Variants in RBM5 observed in about 807,000 individuals in gnomAD.
RBM5 encodes the protein RNA-binding protein 5.
RBM5 carries 15 observed loss-of-function variants against 124.6 expected under a neutral mutation model. The ratio of observed to expected loss-of-function variants is 0.12; its 90% confidence interval spans 0.08 to 0.19. The LOEUF is 0.19. Among genes scored for constraint, RBM5 ranks in the 10% least tolerant of loss-of-function variants. The pLI, the probability that RBM5 is intolerant of heterozygous loss-of-function variation, is 1.00. For missense variants in RBM5, 580 were observed against 1,026.5 expected, an observed-to-expected ratio of 0.57 and a Z score of 5.94; for synonymous variants, 337 against 361.2, an observed-to-expected ratio of 0.93 and a Z score of 0.76.
chr3:50,099,907 T>C, intron 4 of RBM5, 75 bp from the exon 5 acceptor site: 1 of 1,323,974 alleles, frequency 7.6e-7, no homozygotes. Context: ...ATTAAACAGT[T>C]GATGTAATTC....
At chr3:50,115,694 A>T in intron 21 of RBM5, 87 bp downstream of exon 21, 1 of 1,451,778 alleles carries the variant, frequency 6.9e-7, no homozygotes, top group Admixed American at 2.2e-5. Flanking sequence ...GGTTCCAAAA[A>T]TACCTGCCAT....
At position 50,114,862 on chromosome 3, in the gene RBM5, T is replaced by A. The variant is rs1268979689; in HGVS notation, c.1840-566T>A. 1.6e-4 allele frequency: 21 copies of A among 132,124 alleles called. No homozygotes were observed. The South Asian group carries it at 4.1e-3, about 26-fold the overall frequency. The allele number at this position is 132,124 out of a possible 1,614,324, so 8.2% of individuals were successfully genotyped here. The stretch of plus-strand genomic sequence containing the variant: ...GCAGTGAGCAAGACCCTGTCTCATT[T>A]AAAAAAAAAAAAAACAAAAACAGTC... On this transcript the variant is annotated intron_variant, in intron 20 of 24. Transcript: ENST00000347869.
At chr3:50,103,215 T>G (rs779007493) in intron 7 of RBM5, 49 bp downstream of exon 7, 2 of 1,359,848 alleles carry the variant, frequency 1.5e-6, no homozygotes, top group Non-Finnish European at 2.1e-6. Context: ...AGGATATTGC[T>G]GTTTTTTTCT....
chr3:50,094,095 C>G (rs1289778810), intron 4 of RBM5: 5 of 423,048 alleles, frequency 1.2e-5, no homozygotes, highest in South Asian at 8.7e-5. Context: ...ACATGAAATT[C>G]ATTTGTATTT....
chr3:50,116,816 G>T (rs557236628), intron 22 of RBM5: 412 of 458,876 alleles, frequency 9.0e-4, no homozygotes, highest in Non-Finnish European at 1.5e-3. Context: ...CTTGACAGAG[G>T]GTGGCTAATT....
chr3:50,116,128 G>T, intron 22 of RBM5, 148 bp downstream of exon 22: 1 of 721,852 alleles, frequency 1.4e-6, no homozygotes, highest in East Asian at 2.8e-5. Context: ...ATGTAGCCTA[G>T]ACCCAGCCTC....
chr3:50,113,396 C>T lies in RBM5; in HGVS notation c.1469C>T (p.Ser490Phe), dbSNP rs747562902. ...GTTGTTTTCTAGTACTACTATAATT[C>T]CTTGACCCAGCAGTACCTTTACTGG... ...YDPNSQYYYN[S>F]LTQQYLYWDG... is the part of the protein sequence containing the mutation. Residue 490 changes from serine (S) to phenylalanine (F), a missense_variant, in exon 18 of 25, where the codon TCC becomes TTC. Coordinates refer to ENST00000347869, the MANE Select transcript of RBM5 (RefSeq NM_005778.4). 4 of 1,612,460 alleles carry T rather than the reference C, an allele frequency of 2.5e-6. No homozygotes were observed. The highest frequency in any genetic ancestry group is 3.4e-6 in the Non-Finnish European group (4 of 1,179,464).
intron 10 of RBM5, among the ~76,000 whole-genome samples, 159 bp downstream of exon 10, chr3:50,105,868 AG>A (rs1269265745): frequency 6.6e-6 from 1 of 152,216 alleles, no homozygotes; most frequent in Non-Finnish European, 1.5e-5. Context: ...TGATGACTTC[AG>A]TAAGTAGTAA....
chr3:50,118,135 T>A (rs1222873117), intron 24 of RBM5, 196 bp from the exon 25 acceptor site: 1 of 703,556 alleles, frequency 1.4e-6, no homozygotes, highest in Non-Finnish European at 2.3e-6. Context: ...TTCATCTGCC[T>A]GTGTTCCGTA....
intron 17 of RBM5, among the ~76,000 whole-genome samples, chr3:50,111,321 C>T (rs1016048490): frequency 6.6e-5 from 10 of 152,202 alleles, no homozygotes; most frequent in Non-Finnish European, 1.5e-4. Flanking sequence ...ATTTTCATCA[C>T]TCGAAGAAGA....
chr3:50,100,094 A>G lies in RBM5; in HGVS notation c.409+43A>G. The G allele has an allele frequency of 1.3e-6, 2 of 1,554,040 alleles. No homozygotes were observed. Among genetic ancestry groups the G allele is most frequent in the African/African-American group, 1.4e-5 (1 of 73,862 alleles). ...TCCTGATATTATTGTTCTCTTCCCCATTCCCACCTCAGTCCCTAAAGAACA... is the reference window on the plus strand; with the variant it reads ...TCCTGATATTATTGTTCTCTTCCCCGTTCCCACCTCAGTCCCTAAAGAACA... On this transcript the variant is annotated intron_variant, in intron 5 of 24. Coordinates refer to ENST00000347869, the MANE Select transcript of RBM5 (RefSeq NM_005778.4). This position sits in a 1 kb window ranked among gnomAD's most constrained non-coding sequence, Gnocchi z 5.1.
rs927351391 is a variant in RBM5 at position 50,090,512 on chromosome 3, T to G, written c.17+61T>G. 45 of 1,575,302 alleles carry G rather than the reference T, an allele frequency of 2.9e-5. No homozygotes were observed. The East Asian group carries it at 9.4e-4, about 33-fold the overall frequency. On this transcript the variant is annotated intron_variant, in intron 2 of 24. Transcript: ENST00000347869. ...TTTCAGTGGGGACTGAACTCCTTGT[T>G]TAAAATAGTTTATCAAACTAATATA...
At chr3:50,109,118 G>A (rs2091095150) in intron 14 of RBM5, among the ~76,000 whole-genome samples, 2 of 152,110 alleles carry the variant, frequency 1.3e-5, no homozygotes, top group Admixed American at 6.6e-5. Context: ...CTGTTGCCCA[G>A]GCTGGAGTGC....
chr3:50,108,058 G>A lies in RBM5; in HGVS notation c.1042-12G>A, dbSNP rs1236500397. Reference sequence around the variant, plus strand: ...ACTAAGTTTGTCTTTGTCTCATTTTGATGTTTTGTAGTCTCAAAGTGGTGA... The same window carrying A: ...ACTAAGTTTGTCTTTGTCTCATTTTAATGTTTTGTAGTCTCAAAGTGGTGA... On this transcript the variant is annotated splice_polypyrimidine_tract_variant and intron_variant, in intron 12 of 24. Transcript: ENST00000347869. 1.9e-6 allele frequency: 3 copies of A among 1,591,870 alleles called. No homozygotes were observed. Among genetic ancestry groups the A allele is most frequent in the Non-Finnish European group, 2.6e-6 (3 of 1,159,968 alleles).
Position 50,117,537 on chromosome 3 carries a change from T to C in RBM5, c.2322+158T>C, listed in dbSNP as rs1380015218. ...AGCTCACACCTGTAATCCCAGCACT[T>C]TGGGAGGCCGAGGAGGGTGGATTGC... On this transcript the variant is annotated intron_variant, in intron 24 of 24. Coordinates refer to ENST00000347869, the MANE Select transcript of RBM5 (RefSeq NM_005778.4). The surrounding 1 kb of genome is among the most constrained non-coding windows in gnomAD (Gnocchi z 4.2). 1 of 1,059,414 alleles carries C rather than the reference T, an allele frequency of 9.4e-7. No homozygotes were observed. Among genetic ancestry groups the C allele is most frequent in the East Asian group, 2.6e-5 (1 of 38,096 alleles). The allele number at this position is 1,059,414 out of a possible 1,614,324, so 65.6% of individuals were successfully genotyped here. A position where few individuals can be genotyped will look rare whatever the true frequency, so the allele number is the denominator to read the frequency against.
chr3:50,115,199 A>G, intron 20 of RBM5: 1 of 493,350 alleles, frequency 2.0e-6, no homozygotes, highest in East Asian at 4.0e-5. Context: ...TCACCCAGGA[A>G]TCCATTTCTT....
chr3:50,114,326 G>A (rs986918708), intron 20 of RBM5, 75 bp downstream of exon 20: 6 of 1,412,978 alleles, frequency 4.2e-6, no homozygotes, highest in South Asian at 1.3e-5. Flanking sequence ...ACTGCATCTT[G>A]GCTAATGTGA....
At position 50,100,485 on chromosome 3, in the gene RBM5, A is replaced by C. The variant is rs748324037; in HGVS notation, c.410-47A>C. ...GAGAGAGATTCACCTGTTATAAAGG[A>C]ACTGACTAACACAAGTATCCCGTCT... On this transcript the variant is annotated intron_variant, in intron 5 of 24. Coordinates refer to ENST00000347869, the MANE Select transcript of RBM5 (RefSeq NM_005778.4). The surrounding 1 kb of genome is among the most constrained non-coding windows in gnomAD (Gnocchi z 5.1). 1.4e-5 allele frequency: 21 copies of C among 1,485,708 alleles called. No homozygotes were observed. The highest frequency in any genetic ancestry group is 2.0e-5 in the Non-Finnish European group (21 of 1,065,842). The allele number at this position is 1,485,708 out of a possible 1,614,324, so 92.0% of individuals were successfully genotyped here.
chr3:50,104,448 G>A, intron 8 of RBM5, 140 bp downstream of exon 8: 1 of 733,442 alleles, frequency 1.4e-6, no homozygotes, highest in South Asian at 1.6e-5. Context: ...TACCAGCCTG[G>A]CAAGAGATAG....
Sources: allele counts gnomAD v4.1 joint callset (sites outside exome capture counted in the v4.1 genomes callset), GRCh38; gene constraint gnomAD v4.1.1; non-coding constraint Gnocchi (gnomAD v3.1); transcripts MANE v1.5; gene names NCBI Gene and HGNC (gene_info 2026-07-23, HGNC 2026-07-21).